Variants in LAMA2 observed in about 807,000 individuals in gnomAD.
The protein encoded by LAMA2 is laminin subunit alpha 2.
Under a neutral mutation model 364.8 loss-of-function variants are expected in LAMA2, and 269 were observed. The observed-to-expected ratio is 0.74, with a 90% CI of 0.67 to 0.82. The LOEUF is 0.82. Among genes scored for constraint, LAMA2 ranks in the 40% least tolerant of loss-of-function variants. The pLI, the probability that LAMA2 is intolerant of heterozygous loss-of-function variation, is 0.00. For synonymous variants in LAMA2, 1,379 were observed against 1,370.6 expected, an observed-to-expected ratio of 1.01 and a Z score of -0.14; for missense variants, 3,807 against 3,873.2, an observed-to-expected ratio of 0.98 and a Z score of 0.45.
intron 1 of LAMA2, among the ~76,000 whole-genome samples, chr6:128,967,627 G>A (rs936250768): frequency 6.6e-6 from 1 of 152,136 alleles, no homozygotes; most frequent in African/African-American, 2.4e-5. Flanking sequence ...AATGTAACGG[G>A]ATCTTTACTA....
chr6:129,077,609 T>A (rs1382169777), intron 3 of LAMA2, among the ~76,000 whole-genome samples: 1 of 151,962 alleles, frequency 6.6e-6, no homozygotes, highest in East Asian at 1.9e-4. Flanking sequence ...TGAGAAGATA[T>A]AAAGTTGTTT....
chr6:129,245,795 G>C (rs1217583744), intron 12 of LAMA2, among the ~76,000 whole-genome samples: 1 of 152,034 alleles, frequency 6.6e-6, no homozygotes, highest in Non-Finnish European at 1.5e-5. Flanking sequence ...AACAAACAAA[G>C]AAAATAAGTG....
At chr6:129,387,878 C>T (rs1312502533) in intron 35 of LAMA2, among the ~76,000 whole-genome samples, 1 of 152,120 alleles carries the variant, frequency 6.6e-6, no homozygotes, top group Non-Finnish European at 1.5e-5. Flanking sequence ...AGGAGGGGAA[C>T]AACACACACT....
intron 19 of LAMA2, among the ~76,000 whole-genome samples, chr6:129,290,639 T>A (rs1424745518): frequency 6.6e-6 from 1 of 152,176 alleles, no homozygotes; most frequent in South Asian, 2.1e-4. Flanking sequence ...TAAATTCCCA[T>A]GTCATCTCCT....
At chr6:129,048,493 T>TTCCTTCCTTCCTTCCTTCC (rs1787723179) in intron 1 of LAMA2, among the ~76,000 whole-genome samples, 1 of 51,360 alleles carries the variant, frequency 1.9e-5, no homozygotes, top group African/African-American at 7.6e-5. Flanking sequence ...TCTTTCTTTC[T>TTCCTTCCTTCCTTCCTTCC]TTCCTTCCTT....
intron 56 of LAMA2, among the ~76,000 whole-genome samples, chr6:129,488,116 T>C (rs1784685945): frequency 6.6e-6 from 1 of 152,178 alleles, no homozygotes; most frequent in African/African-American, 2.4e-5. Flanking sequence ...GAGACCAGCC[T>C]GGCCAATATG....
In LAMA2 at chr6:129,334,313, A is replaced by G. The variant is rs1402498400; in HGVS notation, c.4311+5901A>G. Reference sequence around the variant, plus strand: ...CTTACTGGTAGTGTGAGCCTACTCAATTTATTTAACCTGAATGAGGTCTTA... The same window carrying G: ...CTTACTGGTAGTGTGAGCCTACTCAGTTTATTTAACCTGAATGAGGTCTTA... On this transcript the variant is annotated intron_variant, in intron 29 of 64. Coordinates refer to ENST00000421865, the MANE Select transcript of LAMA2 (RefSeq NM_000426.4). Among the ~76,000 whole-genome samples the G allele has an allele frequency of 3.3e-5, 5 of 152,220 alleles. No homozygotes were observed. In the East Asian group the frequency reaches 9.6e-4, roughly 29 times the overall value.
chr6:129,166,474 G>A (rs1779749830), intron 9 of LAMA2, among the ~76,000 whole-genome samples: 1 of 152,042 alleles, frequency 6.6e-6, no homozygotes, highest in Non-Finnish European at 1.5e-5. Context: ...CTTGTTACCT[G>A]CTTTCTTTAT....
intron 47 of LAMA2, among the ~76,000 whole-genome samples, chr6:129,455,278 A>G (rs552849979): frequency 1.3e-5 from 2 of 152,164 alleles, no homozygotes; most frequent in Non-Finnish European, 2.9e-5. Context: ...ATGAGAAGCA[A>G]TATTTTTAGT....
chr6:129,454,743 C>T (rs1782868263), intron 47 of LAMA2, among the ~76,000 whole-genome samples: 15 of 152,186 alleles, frequency 9.9e-5, no homozygotes, highest in Admixed American at 9.8e-4. Context: ...GTCCACCCTA[C>T]TTAAAATGGG....
chr6:129,019,367 A>C (rs1785270740), intron 1 of LAMA2, among the ~76,000 whole-genome samples: 1 of 151,132 alleles, frequency 6.6e-6, no homozygotes, highest in South Asian at 2.1e-4. Context: ...TAATTTCTCC[A>C]GTCTACTTTT....
intron 1 of LAMA2, among the ~76,000 whole-genome samples, chr6:128,895,642 C>T (rs910875850): frequency 6.6e-6 from 1 of 151,832 alleles, no homozygotes; most frequent in Admixed American, 6.6e-5. Context: ...AGCGAGACTC[C>T]GTGAACTCAT....
At chr6:128,969,682 A>G (rs1782069401) in intron 1 of LAMA2, among the ~76,000 whole-genome samples, 1 of 152,126 alleles carries the variant, frequency 6.6e-6, no homozygotes, top group African/African-American at 2.4e-5. Context: ...CCACCCACCT[A>G]GACCTCCCAA....
At chr6:129,135,374 T>G (rs2114943516) in intron 4 of LAMA2, among the ~76,000 whole-genome samples, 1 of 152,354 alleles carries the variant, frequency 6.6e-6, no homozygotes, top group East Asian at 1.9e-4. Flanking sequence ...AAATGCTTAT[T>G]GAACCCTTCC....
At chr6:129,397,909 C>A (rs530894789) in intron 37 of LAMA2, among the ~76,000 whole-genome samples, 1 of 145,412 alleles carries the variant, frequency 6.9e-6, no homozygotes, top group South Asian at 2.2e-4. Flanking sequence ...TGCACTCCAG[C>A]CTGGGCGACA....
At chr6:128,948,862 C>T (rs774206405) in intron 1 of LAMA2, among the ~76,000 whole-genome samples, 8 of 152,126 alleles carry the variant, frequency 5.3e-5, no homozygotes, top group South Asian at 2.1e-4. Context: ...GAGGCCCTCA[C>T]CAGAATCAGA....
In LAMA2 at chr6:129,495,812, A is replaced by AT. The variant is rs1462967935; in HGVS notation, c.8244+3334dup. ...GATACTTGCCCATCTGGGAATGGAGATTTTTACTCATTTAAGGTTCTTTTT... is the reference window on the plus strand; with the variant it reads ...GATACTTGCCCATCTGGGAATGGAGATTTTTTACTCATTTAAGGTTCTTTTT... On this transcript the variant is annotated intron_variant, in intron 58 of 64. Transcript: ENST00000421865. 2.0e-5 allele frequency among the ~76,000 whole-genome samples: 3 copies of AT among 150,640 alleles called. No homozygotes were observed. In the East Asian group the frequency reaches 5.8e-4, roughly 29 times the overall value.
chr6:129,250,072 T>C, intron 12 of LAMA2, 40 bp from the exon 13 acceptor site: 1 of 1,162,874 alleles, frequency 8.6e-7, no homozygotes, highest in Non-Finnish European at 1.3e-6. Context: ...TAATAGCCCA[T>C]CTCCTATCCC....
chr6:128,942,679 G>T (rs1780230531), intron 1 of LAMA2, among the ~76,000 whole-genome samples: 1 of 152,108 alleles, frequency 6.6e-6, no homozygotes, highest in South Asian at 2.1e-4. Context: ...GAGAAAGGTA[G>T]GTCTTAATGG....
Sources: allele counts gnomAD v4.1 joint callset (sites outside exome capture counted in the v4.1 genomes callset), GRCh38; gene constraint gnomAD v4.1.1; transcripts MANE v1.5; gene names NCBI Gene and HGNC (gene_info 2026-07-23, HGNC 2026-07-21).